The following FHL5 variants were observed in gnomAD, a reference collection of about 807,000 sequenced individuals.
FHL5 encodes the protein four and a half LIM domains 5.
In FHL5, 33 loss-of-function variants were observed where a neutral mutation model predicts 32.0. The observed-to-expected ratio is 1.03, with a 90% CI of 0.78 to 1.38. The LOEUF is 1.38. FHL5 is among the 40% of genes most tolerant of loss of function. FHL5 has a pLI of 0.00. For synonymous variants in FHL5, 114 were observed against 113.6 expected, an observed-to-expected ratio of 1.00 and a Z score of -0.02; for missense variants, 336 against 343.9, an observed-to-expected ratio of 0.98 and a Z score of 0.18.
Position 96,590,735 on chromosome 6 carries a change from T to C in FHL5, c.-12-12867T>C, listed in dbSNP as rs190829157. Among the ~76,000 whole-genome samples the C allele has an allele frequency of 2.0e-5, 3 of 152,238 alleles. No individual in the cohort carries two copies. In the East Asian group the frequency reaches 5.8e-4, roughly 29 times the overall value. On this transcript the variant is annotated intron_variant, in intron 1 of 5. Coordinates refer to ENST00000450218, the MANE Select transcript of FHL5 (RefSeq NM_001322466.2). ...GTATAGTGTTCGCTATAGGTTTTTT[T>C]AAACCACATTGAAGAAGTTTCTTTC...
chr6:96,604,796 G>T lies in FHL5; in HGVS notation c.206G>T (p.Cys69Phe). ...DRHWHEGCFK[C>F]TKCNHSLVEK... Reference sequence around the variant, plus strand: ...CACTGGCATGAAGGATGCTTCAAGTGCACCAAATGCAATCACTCTTTGGTG... The same window carrying T: ...CACTGGCATGAAGGATGCTTCAAGTTCACCAAATGCAATCACTCTTTGGTG... The change falls in exon 3 of 6, where the codon TGC becomes TTC. Residue 69 changes from cysteine to phenylalanine, a missense_variant. Physicochemically the swap from Cys to Phe is radical, Grantham distance 205 (BLOSUM62 -2). Transcript: ENST00000450218. The T allele has an allele frequency of 2.5e-6, 4 of 1,613,846 alleles. No homozygotes were observed. The highest frequency in any genetic ancestry group is 3.4e-6 in the Non-Finnish European group (4 of 1,179,788).
Position 96,610,629 on chromosome 6 carries a change from C to T in FHL5, c.562C>T (p.Leu188=), listed in dbSNP as rs1456265184. 6.2e-7 allele frequency: 1 copy of T among 1,613,806 alleles called. No homozygotes were observed. The highest frequency in any genetic ancestry group is 8.5e-7 in the Non-Finnish European group (1 of 1,179,786). The change falls in exon 5 of 6, where the codon CTG becomes TTG. Residue 188 remains leucine (L), a synonymous_variant. Coordinates refer to ENST00000450218, the MANE Select transcript of FHL5 (RefSeq NM_001322466.2). ...CDQLWHKECF[L]CSGCRKDLCE... Reference sequence around the variant, plus strand: ...CCAGCTATGGCATAAAGAGTGTTTTCTGTGTAGTGGCTGTAGGAAAGATCT... The same window carrying T: ...CCAGCTATGGCATAAAGAGTGTTTTTTGTGTAGTGGCTGTAGGAAAGATCT...
Position 96,615,879 on chromosome 6 carries a change from GT to G in FHL5, c.*110del. 1.0e-6 allele frequency: 1 copy of G among 959,360 alleles called. No homozygotes were observed. Among genetic ancestry groups the G allele is most frequent in the Non-Finnish European group, 1.5e-6 (1 of 669,226 alleles). The allele number at this position is 959,360 out of a possible 1,614,324, so 59.4% of individuals were successfully genotyped here. On this transcript the variant is annotated 3_prime_UTR_variant, in exon 6 of 6. Transcript: ENST00000450218. ...TTAAGTTTTAGAAAATATTCATGTAGTTTAGAGTGGAAAAGTTTTTGCACAC... is the reference window on the plus strand; with the variant it reads ...TTAAGTTTTAGAAAATATTCATGTAGTTAGAGTGGAAAAGTTTTTGCACAC...
intron 5 of FHL5, among the ~76,000 whole-genome samples, chr6:96,611,285 G>A (rs79807176): frequency 0.025 from 3,798 of 152,180 alleles, 52 homozygotes; most frequent in Non-Finnish European, 0.03. Context: ...TCTAACAAAT[G>A]TATTACTCTC....
chr6:96,599,259 G>A (rs547310912), intron 1 of FHL5, among the ~76,000 whole-genome samples: 39 of 144,282 alleles, frequency 2.7e-4, no homozygotes, highest in Non-Finnish European at 4.8e-4. Flanking sequence ...GCAATGGTGC[G>A]ATCTAGGCTC....
At chr6:96,611,057 C>T (rs1401690235) in intron 5 of FHL5, among the ~76,000 whole-genome samples, 2 of 152,172 alleles carry the variant, frequency 1.3e-5, no homozygotes, top group Admixed American at 1.3e-4. Context: ...GAGGTTAGTG[C>T]AGGCCTTCAC....
intron 1 of FHL5, among the ~76,000 whole-genome samples, chr6:96,592,026 G>A (rs1044250070): frequency 8.5e-5 from 13 of 152,110 alleles, no homozygotes; most frequent in Admixed American, 2.0e-4. Context: ...GAGATCACAG[G>A]ACCATAGGAC....
At chr6:96,589,162 A>T (rs1447526948) in intron 1 of FHL5, among the ~76,000 whole-genome samples, 1 of 152,040 alleles carries the variant, frequency 6.6e-6, no homozygotes, top group African/African-American at 2.4e-5. Context: ...ATATGCATAG[A>T]TCTGATTTGA....
intron 3 of FHL5, among the ~76,000 whole-genome samples, chr6:96,605,177 C>T (rs925570355): frequency 6.6e-6 from 1 of 152,144 alleles, no homozygotes; most frequent in African/African-American, 2.4e-5. Context: ...CAGAATCTTA[C>T]CCATAAAATA....
chr6:96,564,033 A>G (rs1770302243), intron 1 of FHL5, among the ~76,000 whole-genome samples: 1 of 152,160 alleles, frequency 6.6e-6, no homozygotes, highest in African/African-American at 2.4e-5. Context: ...CATATGTGTT[A>G]ATGCTTTCTC....
At position 96,616,485 on chromosome 6, in the gene FHL5, T is replaced by C. The variant is rs1396569084; in HGVS notation, c.*713T>C. ...TAGCCAAAGCATGGGTTTCAACACG[T>C]TTTGTATTAAATATATTTTCAAAGT... On this transcript the variant is annotated 3_prime_UTR_variant, in exon 6 of 6. Transcript: ENST00000450218. The C allele has an allele frequency of 6.6e-6, 1 of 152,172 alleles. No homozygotes were observed. Among genetic ancestry groups the C allele is most frequent in the Non-Finnish European group, 1.5e-5 (1 of 68,032 alleles). The allele number at this position is 152,172 out of a possible 1,614,324, so 9.4% of individuals were successfully genotyped here. A position where few individuals can be genotyped will look rare whatever the true frequency, so the allele number is the denominator to read the frequency against.
chr6:96,597,888 C>T (rs1456993216), intron 1 of FHL5, among the ~76,000 whole-genome samples: 8 of 152,194 alleles, frequency 5.3e-5, no homozygotes, highest in African/African-American at 1.9e-4. Flanking sequence ...TTTTATCAGC[C>T]AAGTGATCTT....
rs929163484 is a variant in FHL5 at position 96,615,830 on chromosome 6, C to G, written c.*58C>G. 2 of 1,399,294 alleles carry G rather than the reference C, an allele frequency of 1.4e-6. No individual in the cohort carries two copies. Among genetic ancestry groups the G allele is most frequent in the African/African-American group, 1.5e-5 (1 of 68,252 alleles). The allele number at this position is 1,399,294 out of a possible 1,614,324, so 86.7% of individuals were successfully genotyped here. On this transcript the variant is annotated 3_prime_UTR_variant, in exon 6 of 6. Coordinates refer to ENST00000450218, the MANE Select transcript of FHL5 (RefSeq NM_001322466.2). Reference sequence around the variant, plus strand: ...GCCTTCGTTGTCACTAAAGCCAGAACTCAGTTGCGGTCTTATTTTTGACTT... The same window carrying G: ...GCCTTCGTTGTCACTAAAGCCAGAAGTCAGTTGCGGTCTTATTTTTGACTT...
chr6:96,571,997 A>G (rs1435577738), intron 1 of FHL5, among the ~76,000 whole-genome samples: 1 of 152,088 alleles, frequency 6.6e-6, no homozygotes. Flanking sequence ...CACTCCCTAG[A>G]TAGAGGGGTA....
chr6:96,563,688 G>C (rs1481154807), intron 1 of FHL5, among the ~76,000 whole-genome samples: 1 of 152,076 alleles, frequency 6.6e-6, no homozygotes, highest in Non-Finnish European at 1.5e-5. Context: ...AGAGGAAGAA[G>C]AGGAGGGCTC....
chr6:96,595,740 TAA>T (rs1234737307), intron 1 of FHL5, among the ~76,000 whole-genome samples: 4 of 151,982 alleles, frequency 2.6e-5, no homozygotes, highest in South Asian at 4.1e-4. Flanking sequence ...ATTTTAATGA[TAA>T]GTTTTTATCT....
At chr6:96,566,917 C>T (rs985167701) in intron 1 of FHL5, among the ~76,000 whole-genome samples, 8 of 151,942 alleles carry the variant, frequency 5.3e-5, no homozygotes, top group South Asian at 2.1e-4. Context: ...TTTGCAAATA[C>T]TTTCTCCTGT....
chr6:96,588,573 C>T (rs1051352216), intron 1 of FHL5, among the ~76,000 whole-genome samples: 1 of 152,168 alleles, frequency 6.6e-6, no homozygotes, highest in Non-Finnish European at 1.5e-5. Context: ...AGTATAAATG[C>T]AGTTCATTTT....
intron 2 of FHL5, among the ~76,000 whole-genome samples, chr6:96,604,307 T>TTCTCTC (rs3839356): frequency 9.6e-5 from 14 of 145,908 alleles, no homozygotes; most frequent in South Asian, 4.5e-4. Context: ...TCCTCTCTCT[T>TTCTCTC]TCTCTCTCTC....
Sources: allele counts gnomAD v4.1 joint callset (sites outside exome capture counted in the v4.1 genomes callset), GRCh38; gene constraint gnomAD v4.1.1; transcripts MANE v1.5; gene names NCBI Gene and HGNC (gene_info 2026-07-23, HGNC 2026-07-21).